MAP2: variants seen among roughly 807,000 people sequenced by gnomAD.
MAP2 encodes microtubule-associated protein 2.
In MAP2, 14 loss-of-function variants were observed where a neutral mutation model predicts 137.6. That is an observed-to-expected ratio of 0.10 (90% CI 0.07 to 0.16). The LOEUF (loss-of-function observed/expected upper bound fraction) is 0.16, where lower values mean the gene tolerates loss of function less well. Among genes scored for constraint, MAP2 ranks in the 10% least tolerant of loss-of-function variants. The pLI is 1.00. For missense variants in MAP2, 2,088 were observed against 2,191.5 expected (o/e 0.95, Z 0.94); for synonymous variants, 786 against 782.3 (o/e 1.00, Z -0.08).
intron 2 of MAP2, among the ~76,000 whole-genome samples, chr2:209,509,804 A>G (rs1427340303): frequency 6.6e-6 from 1 of 151,946 alleles, no homozygotes; most frequent in Non-Finnish European, 1.5e-5. Context: ...AGGGGTATAT[A>G]AAATAGGACA....
At chr2:209,551,786 T>G (rs570402568) in intron 2 of MAP2, among the ~76,000 whole-genome samples, 1 of 152,330 alleles carries the variant, frequency 6.6e-6, no homozygotes, top group African/African-American at 2.4e-5. Context: ...AGGGACTAAC[T>G]ATTGAGACTG....
At chr2:209,526,574 T>C (rs1288500091) in intron 2 of MAP2, among the ~76,000 whole-genome samples, 4 of 144,854 alleles carry the variant, frequency 2.8e-5, no homozygotes, top group African/African-American at 8.0e-5. Context: ...TTAGGATATA[T>C]GCATTTATAA....
At chr2:209,462,428 G>A (rs948565025) in intron 1 of MAP2, among the ~76,000 whole-genome samples, 16 of 152,244 alleles carry the variant, frequency 1.1e-4, no homozygotes, top group African/African-American at 3.4e-4. Context: ...AAAAATATTG[G>A]ACCAGAGGTT....
rs377391420 is a variant in MAP2, at chr2:209,680,530, A to AT, written c.377-211dup. ...CTGTTTTTCTAGAGATGATAAAATC[A>AT]TTTTTTTTTGAAAATATCAAATGCT... On this transcript the variant is annotated intron_variant, in intron 6 of 15. Transcript: ENST00000682079. Among the ~76,000 whole-genome samples, 123 of 151,146 alleles carry AT rather than the reference A, an allele frequency of 8.1e-4. No individual in the cohort carries two copies. The Middle Eastern group carries it at 0.014, about 17-fold the overall frequency.
At chr2:209,512,556 T>TACACAC (rs150144839) in intron 2 of MAP2, among the ~76,000 whole-genome samples, 154 of 144,912 alleles carry the variant, frequency 1.1e-3, no homozygotes, top group East Asian at 3.0e-3. Flanking sequence ...CCAGAAGTTA[T>TACACAC]ACACACACAC....
At chr2:209,658,390 A>G (rs899411578) in intron 5 of MAP2, among the ~76,000 whole-genome samples, 1 of 152,136 alleles carries the variant, frequency 6.6e-6, no homozygotes, top group Admixed American at 6.6e-5. Context: ...TTCTAGCAGC[A>G]AAAACAGGGA....
intron 1 of MAP2, among the ~76,000 whole-genome samples, chr2:209,446,965 T>G (rs983522302): frequency 6.6e-6 from 1 of 151,946 alleles, no homozygotes; most frequent in African/African-American, 2.4e-5. Flanking sequence ...ACCTAGGTAA[T>G]GTAGGTACTT....
At position 209,542,620 on chromosome 2, in the gene MAP2, C is replaced by T. The variant is rs1577653271; in HGVS notation, c.-172+34979C>T. On this transcript the variant is annotated intron_variant, in intron 2 of 15. Coordinates refer to ENST00000682079, the MANE Select transcript of MAP2 (RefSeq NM_001375505.1). ...TCTTCATCAAAGATTTTAGCTAGAT[C>T]TTCTAGAGAACTTGTGGCATCTTCT... is the stretch of plus-strand genomic sequence containing the variant. 2.0e-5 allele frequency among the ~76,000 whole-genome samples: 3 copies of T among 152,222 alleles called. No individual in the cohort carries two copies. In the South Asian group the frequency reaches 6.2e-4, roughly 32 times the overall value.
chr2:209,622,562 T>C (rs1313697564), intron 3 of MAP2, among the ~76,000 whole-genome samples: 2 of 152,202 alleles, frequency 1.3e-5, no homozygotes, highest in Non-Finnish European at 2.9e-5. Context: ...TATGTATAAA[T>C]GTTTGCTAAT....
intron 2 of MAP2, among the ~76,000 whole-genome samples, chr2:209,520,377 A>G (rs1326155043): frequency 1.3e-5 from 2 of 152,090 alleles, no homozygotes; most frequent in Non-Finnish European, 1.5e-5. Flanking sequence ...TTTAAAATTT[A>G]GTAGGAACAG....
intron 4 of MAP2, among the ~76,000 whole-genome samples, chr2:209,629,458 C>A (rs146327766): frequency 6.6e-6 from 1 of 152,088 alleles, no homozygotes; most frequent in Non-Finnish European, 1.5e-5. Context: ...AATACCCCAA[C>A]ATTTAAGGAA....
At chr2:209,593,196 C>T (rs1319169411) in intron 3 of MAP2, among the ~76,000 whole-genome samples, 2 of 151,916 alleles carry the variant, frequency 1.3e-5, no homozygotes, top group Non-Finnish European at 2.9e-5. Context: ...TCTTTCAAAT[C>T]TCTCTGAGAA....
At chr2:209,613,299 G>A (rs1253899142) in intron 3 of MAP2, among the ~76,000 whole-genome samples, 2 of 151,064 alleles carry the variant, frequency 1.3e-5, no homozygotes, top group Admixed American at 1.3e-4. Flanking sequence ...GTTTTCTATA[G>A]CTGCATGAGT....
At chr2:209,697,315 G>T (rs1000440835) in intron 10 of MAP2, among the ~76,000 whole-genome samples, 4 of 152,036 alleles carry the variant, frequency 2.6e-5, no homozygotes, top group Non-Finnish European at 5.9e-5. Context: ...TCACGTTCTG[G>T]GGATTCCTAT....
intron 5 of MAP2, among the ~76,000 whole-genome samples, chr2:209,678,220 T>G (rs1399191727): frequency 6.6e-6 from 1 of 151,974 alleles, no homozygotes; most frequent in Non-Finnish European, 1.5e-5. Flanking sequence ...AACATATGAC[T>G]TTGGGGGCAG....
chr2:209,699,093 A>G (rs1000416112), intron 10 of MAP2, among the ~76,000 whole-genome samples: 4 of 152,200 alleles, frequency 2.6e-5, no homozygotes, highest in African/African-American at 9.6e-5. Context: ...GAAAGCATGT[A>G]TCAGATGTAG....
chr2:209,484,344 C>T (rs148859246), intron 1 of MAP2, among the ~76,000 whole-genome samples: 184 of 151,704 alleles, frequency 1.2e-3, no homozygotes, highest in African/African-American at 4.3e-3. Flanking sequence ...CAGTGGCTCA[C>T]GCCCGTAATC....
At chr2:209,512,641 A>T (rs1335147027) in intron 2 of MAP2, among the ~76,000 whole-genome samples, 1 of 151,818 alleles carries the variant, frequency 6.6e-6, no homozygotes, top group African/African-American at 2.4e-5. Context: ...ATATAAATTT[A>T]AAAAATATTT....
chr2:209,700,538 G>A (rs1263889051), intron 11 of MAP2, among the ~76,000 whole-genome samples, 200 bp downstream of exon 11: 1 of 152,164 alleles, frequency 6.6e-6, no homozygotes. Flanking sequence ...GGTAATTGGT[G>A]AGGGCACAGC....
Sources: allele counts gnomAD v4.1 joint callset (sites outside exome capture counted in the v4.1 genomes callset), GRCh38; gene constraint gnomAD v4.1.1; transcripts MANE v1.5; gene names NCBI Gene and HGNC (gene_info 2026-07-23, HGNC 2026-07-21).